KCTD1: variants seen among roughly 807,000 people sequenced by gnomAD.
KCTD1 encodes BTB/POZ domain-containing protein KCTD1.
KCTD1 carries 24 observed loss-of-function variants against 66.0 expected under a neutral mutation model. That is an observed-to-expected ratio of 0.36 (90% confidence interval 0.26 to 0.51). KCTD1 has a LOEUF of 0.51. Ranked by LOEUF, KCTD1 falls within the 20% of genes least tolerant of loss-of-function variation. KCTD1 has a pLI of 0.95. For synonymous variants in KCTD1, 511 were observed against 517.2 expected (o/e 0.99, Z 0.16); for missense variants, 943 against 1,205.2 (o/e 0.78, Z 3.22).
chr18:26,571,341 A>G (rs986039383), intron 1 of KCTD1, among the ~76,000 whole-genome samples: 1 of 152,132 alleles, frequency 6.6e-6, no homozygotes, highest in African/African-American at 2.4e-5. Flanking sequence ...AATAATCAAG[A>G]ACACTTCATA....
chr18:26,593,423 AGAT>A (rs1181111674), intron 1 of KCTD1, among the ~76,000 whole-genome samples: 18 of 109,338 alleles, frequency 1.6e-4, no homozygotes, highest in Non-Finnish European at 2.1e-4. Flanking sequence ...AGAAGGAAGA[AGAT>A]GAGGAGGAGG....
chr18:26,461,558 C>CCTGT (rs1236427493), intron 3 of KCTD1, among the ~76,000 whole-genome samples: 2 of 152,166 alleles, frequency 1.3e-5, no homozygotes. Flanking sequence ...GAACCGGGGC[C>CCTGT]CTTAGCCCAG....
At chr18:26,562,462 A>G (rs1043810542) in intron 1 of KCTD1, among the ~76,000 whole-genome samples, 6 of 151,682 alleles carry the variant, frequency 4.0e-5, no homozygotes, top group Middle Eastern at 3.4e-3. Context: ...GGTTCTCCCT[A>G]TGTTGCCTGG....
At chr18:26,578,121 A>C (rs1293349197) in intron 1 of KCTD1, among the ~76,000 whole-genome samples, 1 of 138,038 alleles carries the variant, frequency 7.2e-6, no homozygotes, top group Non-Finnish European at 1.5e-5. Flanking sequence ...CAGTGCTCCG[A>C]TCTCGGCTCA....
chr18:26,455,931 AG>A (rs894099610), intron 4 of KCTD1, 30 bp from the exon 5 acceptor site: 2 of 1,606,712 alleles, frequency 1.2e-6, no homozygotes, highest in South Asian at 2.2e-5. Flanking sequence ...GCATCCAGTT[AG>A]GGGTGAGGTA....
intron 2 of KCTD1, 55 bp downstream of exon 2, chr18:26,501,017 A>G: frequency 6.3e-7 from 1 of 1,577,682 alleles, no homozygotes; most frequent in Admixed American, 1.7e-5. Flanking sequence ...CAAAGGAAAA[A>G]CAGGTTACCA....
intron 1 of KCTD1, among the ~76,000 whole-genome samples, chr18:26,586,519 A>G (rs1188261972): frequency 6.6e-6 from 1 of 152,230 alleles, no homozygotes; most frequent in Non-Finnish European, 1.5e-5. Flanking sequence ...TAAAAGGAAG[A>G]GTCGCATGTC....
At chr18:26,612,125 C>T (rs1426183169) in intron 1 of KCTD1, among the ~76,000 whole-genome samples, 1 of 152,148 alleles carries the variant, frequency 6.6e-6, no homozygotes, top group Non-Finnish European at 1.5e-5. Flanking sequence ...ATAGTTTCCT[C>T]ACATGCATGT....
chr18:26,552,782 G>A (rs1985607388), upstream of KCTD1, among the ~76,000 whole-genome samples: 1 of 152,016 alleles, frequency 6.6e-6, no homozygotes, highest in African/African-American at 2.4e-5. Flanking sequence ...GATTTAAATT[G>A]TTAAATTTCA....
chr18:26,549,024 C>T (rs1409214815), upstream of KCTD1: 36 of 984,852 alleles, frequency 3.7e-5, no homozygotes, highest in South Asian at 2.3e-4. Context: ...CCCCCGGAGC[C>T]GGGGGGTCGG....
chr18:26,476,843 T>C lies in KCTD1; in HGVS notation c.1989-184A>G. ...TATCTCAGGACGAGACCATTCAAAA[T>C]AGTCCTAGGCTTTGTCAAATGAATT... On this transcript the variant is annotated intron_variant, in intron 2 of 4. Transcript: ENST00000580059. The surrounding 1 kb of genome is among the most constrained non-coding windows in gnomAD (Gnocchi z 4.9). The C allele has an allele frequency of 1.7e-6, 1 of 574,446 alleles. No homozygotes were observed. 35.6% of individuals were successfully genotyped at this position (574,446 alleles called of 1,614,324 possible). A position where few individuals can be genotyped will look rare whatever the true frequency, so the allele number is the denominator to read the frequency against.
At chr18:26,595,996 C>T (rs1986756921) in intron 1 of KCTD1, among the ~76,000 whole-genome samples, 1 of 152,130 alleles carries the variant, frequency 6.6e-6, no homozygotes, top group African/African-American at 2.4e-5. Context: ...TTTAGTGAAC[C>T]ATGATCACAC....
chr18:26,462,260 A>C (rs1469065070), intron 3 of KCTD1, among the ~76,000 whole-genome samples: 1 of 152,090 alleles, frequency 6.6e-6, no homozygotes, highest in African/African-American at 2.4e-5. Flanking sequence ...CTCAGTGACC[A>C]CTCTGGGATC....
chr18:26,656,881 G>A (rs1173426408), intron 1 of KCTD1, among the ~76,000 whole-genome samples: 1 of 148,188 alleles, frequency 6.7e-6, no homozygotes, highest in Non-Finnish European at 1.5e-5. Context: ...GGGACGCGCG[G>A]GGCTCGGGGG....
intron 1 of KCTD1, among the ~76,000 whole-genome samples, chr18:26,624,923 C>T (rs1568013321): frequency 6.6e-6 from 1 of 152,192 alleles, no homozygotes; most frequent in Non-Finnish European, 1.5e-5. Context: ...CATGGGAGTC[C>T]ACCTCTTGCA....
chr18:26,547,374 T>C lies in KCTD1; in HGVS notation c.1163A>G (p.Tyr388Cys), dbSNP rs1985297688. ...MYETGTEFCPYASFVKYLSKR... is the reference protein window; with the variant it reads ...MYETGTEFCPCASFVKYLSKR... The stretch of plus-strand genomic sequence containing the variant: ...CGACAGGTACTTGACGAAGCTGGCG[T>C]AGGGGCAGAACTCGGTGCCCGTCTC... Residue 388 changes from tyrosine to cysteine, a missense_variant, in exon 1 of 5, where the codon TAC becomes TGC. Transcript: ENST00000580059. 2 of 1,551,274 alleles carry C rather than the reference T, an allele frequency of 1.3e-6. No individual in the cohort carries two copies. The highest frequency in any genetic ancestry group is 1.7e-4 in the Middle Eastern group (1 of 5,990).
At chr18:26,545,760 C>T (rs1388655391) in intron 1 of KCTD1, 1 of 151,942 alleles carries the variant, frequency 6.6e-6, no homozygotes, top group African/African-American at 2.4e-5. Flanking sequence ...ATAATACTCA[C>T]GAAAATACTA....
chr18:26,593,643 G>C (rs936845632), intron 1 of KCTD1, among the ~76,000 whole-genome samples: 325 of 110,324 alleles, frequency 2.9e-3, no homozygotes, highest in Non-Finnish European at 3.3e-3. Context: ...AGGAGGAAGA[G>C]AAGGAAGAGG....
At chr18:26,488,845 T>G (rs1982047700) in intron 2 of KCTD1, among the ~76,000 whole-genome samples, 1 of 152,094 alleles carries the variant, frequency 6.6e-6, no homozygotes. Flanking sequence ...ATCCAACGAG[T>G]GTCTTTTCCA....
Sources: gnomAD v4.1 joint callset for allele counts (sites outside exome capture counted in the v4.1 genomes callset) on GRCh38, gnomAD v4.1.1 for gene constraint, Gnocchi (gnomAD v3.1) non-coding constraint, MANE v1.5 for transcripts, NCBI Gene and HGNC (gene_info 2026-07-23, HGNC 2026-07-21) for gene names.